The following UBE2W variants were observed in gnomAD, a reference collection of about 807,000 sequenced individuals.
UBE2W encodes ubiquitin-conjugating enzyme E2 W.
UBE2W carries 18 observed loss-of-function variants against 27.2 expected under a neutral mutation model. The ratio of observed to expected loss-of-function variants is 0.66; its 90% confidence interval spans 0.46 to 0.98. The LOEUF (loss-of-function observed/expected upper bound fraction) is 0.98. UBE2W is among the 50% of genes least tolerant of loss of function. The probability of loss-of-function intolerance (pLI) is 0.00; values close to 1 mark genes in which losing one functional copy is unlikely to be tolerated. For synonymous variants in UBE2W, 53 were observed against 57.2 expected (o/e 0.93, Z 0.33); for missense variants, 90 against 180.2 (o/e 0.50, Z 2.87).
At chr8:73,878,037 G>A (rs898718157) in intron 1 of UBE2W, among the ~76,000 whole-genome samples, 14 of 152,198 alleles carry the variant, frequency 9.2e-5, no homozygotes, top group Admixed American at 2.0e-4. Flanking sequence ...GCGACCGCAA[G>A]GGTGGGGCCT....
intron 3 of UBE2W, among the ~76,000 whole-genome samples, chr8:73,820,005 G>C (rs1019776493): frequency 6.6e-6 from 1 of 152,116 alleles, no homozygotes. Flanking sequence ...TTAGAGATGG[G>C]GTTGCCCTAC....
At chr8:73,832,228 G>A (rs1398182299) in intron 1 of UBE2W, among the ~76,000 whole-genome samples, 1 of 151,912 alleles carries the variant, frequency 6.6e-6, no homozygotes, top group Non-Finnish European at 1.5e-5. Flanking sequence ...TTGAGCCCAG[G>A]AGGCCAAGGC....
chr8:73,821,888 T>G lies in UBE2W; in HGVS notation c.210+3259A>C, dbSNP rs1586478662. Among the ~76,000 whole-genome samples, 3 of 152,116 alleles carry G rather than the reference T, an allele frequency of 2.0e-5. No individual in the cohort carries two copies. In the East Asian group the frequency reaches 5.8e-4, roughly 29 times the overall value. Reference sequence around the variant, plus strand: ...TGCCATCAGATGGCCAAATCATTATTTACTGGACCAGACCTTTTCAAAACT... The same window carrying G: ...TGCCATCAGATGGCCAAATCATTATGTACTGGACCAGACCTTTTCAAAACT... On this transcript the variant is annotated intron_variant, in intron 3 of 5. Coordinates refer to ENST00000602593, the MANE Select transcript of UBE2W (RefSeq NM_018299.6).
At chr8:73,798,476 C>T (rs536367259) in intron 5 of UBE2W, among the ~76,000 whole-genome samples, 1 of 152,134 alleles carries the variant, frequency 6.6e-6, no homozygotes, top group Non-Finnish European at 1.5e-5. Context: ...CCAACCATTT[C>T]GAATAAGGGA....
chr8:73,843,219 T>A (rs1370689035), intron 1 of UBE2W, among the ~76,000 whole-genome samples: 1 of 152,186 alleles, frequency 6.6e-6, no homozygotes, highest in Admixed American at 6.5e-5. Flanking sequence ...GGTTGCTTTT[T>A]GGGCATGATA....
At chr8:73,781,929 CTTTTTTTTTTTTTTT>C (rs71269945), downstream of UBE2W, among the ~76,000 whole-genome samples, 513 of 96,018 alleles carry the variant, frequency 5.3e-3, 9 homozygotes, top group African/African-American at 0.018. Context: ...TAAAAGCCTC[CTTTTTTTTTTTTTTT>C]TTTTTTTTTT....
rs143127143 is a variant in UBE2W at position 73,788,698 on chromosome 8, G to A, written c.*5404C>T. ...ACAAGTGATGTCATTTTGAAATCATGCTTTTGCCTTTGAGAAAACAACTTA... is the reference window on the plus strand; with the variant it reads ...ACAAGTGATGTCATTTTGAAATCATACTTTTGCCTTTGAGAAAACAACTTA... On this transcript the variant is annotated 3_prime_UTR_variant, in exon 6 of 6. Transcript: ENST00000602593. 1.5e-3 allele frequency: 1,501 copies of A among 985,346 alleles called. 29 individuals carry two copies. In the African/African-American group the frequency reaches 0.024, roughly 16 times the overall value. 61.0% of individuals were successfully genotyped at this position (985,346 alleles called of 1,614,324 possible).
At position 73,788,400 on chromosome 8, in the gene UBE2W, A is replaced by G; in HGVS notation, c.*5702T>C. 1.0e-6 allele frequency: 1 copy of G among 985,456 alleles called. No homozygotes were observed. Among genetic ancestry groups the G allele is most frequent in the Non-Finnish European group, 1.2e-6 (1 of 829,936 alleles). 61.0% of individuals were successfully genotyped at this position (985,456 alleles called of 1,614,324 possible). ...TCTGTAGTTCTGAATAATAAAAGGA[A>G]AATGGCACCAACTAAAACAAACAAA... On this transcript the variant is annotated 3_prime_UTR_variant, in exon 6 of 6. Transcript: ENST00000602593.
At chr8:73,854,010 G>A (rs908016260) in intron 1 of UBE2W, among the ~76,000 whole-genome samples, 4 of 152,046 alleles carry the variant, frequency 2.6e-5, no homozygotes, top group African/African-American at 7.2e-5. Context: ...TTAGCTGGGC[G>A]TGGTGGTGCA....
At chr8:73,843,594 C>T (rs1210659519) in intron 1 of UBE2W, among the ~76,000 whole-genome samples, 1 of 152,042 alleles carries the variant, frequency 6.6e-6, no homozygotes, top group Non-Finnish European at 1.5e-5. Flanking sequence ...ATGATCTAGC[C>T]ACTGCACTCC....
intron 1 of UBE2W, among the ~76,000 whole-genome samples, chr8:73,840,337 T>G (rs903632700): frequency 6.6e-6 from 1 of 152,326 alleles, no homozygotes; most frequent in African/African-American, 2.4e-5. Context: ...ATTACAAGCA[T>G]GAGACACCAC....
At chr8:73,834,737 C>G (rs1005726003) in intron 1 of UBE2W, among the ~76,000 whole-genome samples, 3 of 152,156 alleles carry the variant, frequency 2.0e-5, no homozygotes, top group African/African-American at 7.2e-5. Context: ...GGCGAAACCT[C>G]GTCTCTACTA....
intron 3 of UBE2W, among the ~76,000 whole-genome samples, chr8:73,812,376 C>T (rs960935671): frequency 4.6e-5 from 7 of 151,854 alleles, no homozygotes; most frequent in East Asian, 1.9e-4. Context: ...TTACATCTAT[C>T]GGTGCTAGTA....
chr8:73,864,760 G>A (rs1811677417), intron 1 of UBE2W, among the ~76,000 whole-genome samples: 1 of 132,784 alleles, frequency 7.5e-6, no homozygotes, highest in Non-Finnish European at 1.6e-5. Flanking sequence ...TGGGGGGGGG[G>A]GGCGGGGGGG....
chr8:73,876,767 A>G (rs1421662955), intron 1 of UBE2W, among the ~76,000 whole-genome samples: 1 of 152,158 alleles, frequency 6.6e-6, no homozygotes. Context: ...TCGGGAGTTC[A>G]AGACCAGCCT....
Position 73,813,083 on chromosome 8 carries a change from CAAAAAAAA to C in UBE2W, c.211-2462_211-2455del, listed in dbSNP as rs56094830. Among the ~76,000 whole-genome samples, 13 of 43,430 alleles carry C rather than the reference CAAAAAAAA, an allele frequency of 3.0e-4. No individual in the cohort carries two copies. The South Asian group carries it at 3.7e-3, about 12-fold the overall frequency. 28.5% of individuals were successfully genotyped at this position (43,430 alleles called of 152,430 possible). A position where few individuals can be genotyped will look rare whatever the true frequency, so the allele number is the denominator to read the frequency against. ...GAAGAATAGTGATCTGAAAGTGCCA[CAAAAAAAA>C]AAAAAAAAAAAAAAAAAAGAACAAC... On this transcript the variant is annotated intron_variant, in intron 3 of 5. Coordinates refer to ENST00000602593, the MANE Select transcript of UBE2W (RefSeq NM_018299.6).
chr8:73,876,217 C>G (rs1037716755), intron 1 of UBE2W, among the ~76,000 whole-genome samples: 1 of 150,934 alleles, frequency 6.6e-6, no homozygotes, highest in African/African-American at 2.4e-5. Context: ...CATAGAGGTC[C>G]CCCAAAAGAT....
chr8:73,799,438 A>AAAT (rs1808550683), intron 5 of UBE2W, among the ~76,000 whole-genome samples: 1 of 152,148 alleles, frequency 6.6e-6, no homozygotes, highest in African/African-American at 2.4e-5. Flanking sequence ...TTCTTCCAAG[A>AAAT]ACTTTAACAC....
chr8:73,788,783 C>G lies in UBE2W; in HGVS notation c.*5319G>C. 1 of 985,340 alleles carries G rather than the reference C, an allele frequency of 1.0e-6. No homozygotes were observed. Among genetic ancestry groups the G allele is most frequent in the Non-Finnish European group, 1.2e-6 (1 of 829,912 alleles). 61.0% of individuals were successfully genotyped at this position (985,340 alleles called of 1,614,324 possible). Reference sequence around the variant, plus strand: ...AATCGTTGTAGGACCATCCTTTTCTCAAAACCCAGAGAGTGTATGTGCCAA... The same window carrying G: ...AATCGTTGTAGGACCATCCTTTTCTGAAAACCCAGAGAGTGTATGTGCCAA... On this transcript the variant is annotated 3_prime_UTR_variant, in exon 6 of 6. Transcript: ENST00000602593.
Sources: gnomAD v4.1 joint callset for allele counts (sites outside exome capture counted in the v4.1 genomes callset) on GRCh38, gnomAD v4.1.1 for gene constraint, MANE v1.5 for transcripts, NCBI Gene and HGNC (gene_info 2026-07-23, HGNC 2026-07-21) for gene names.